Variants in MDGA2 observed in about 807,000 individuals in gnomAD.
MDGA2 encodes MAM domain containing glycosylphosphatidylinositol anchor 2, also known as MAM domain-containing glycosylphosphatidylinositol anchor protein 2.
Under a neutral mutation model 117.8 loss-of-function variants are expected in MDGA2, and 40 were observed. The observed-to-expected ratio is 0.34, with a 90% confidence interval of 0.26 to 0.44. MDGA2 has a LOEUF of 0.44. MDGA2 is among the 20% of genes least tolerant of loss of function. The pLI, the probability that MDGA2 is intolerant of heterozygous loss-of-function variation, is 1.00. For missense variants in MDGA2, 1,123 were observed against 1,250.6 expected (o/e 0.90, Z 1.54); for synonymous variants, 452 against 439.0 (o/e 1.03, Z -0.37).
chr14:47,413,363 G>A (rs561138641), intron 1 of MDGA2, among the ~76,000 whole-genome samples: 1 of 152,138 alleles, frequency 6.6e-6, no homozygotes, highest in Non-Finnish European at 1.5e-5. Flanking sequence ...CTCATGCATT[G>A]CATTAGGTGT....
At chr14:47,486,562 G>A (rs1894066173) in intron 1 of MDGA2, among the ~76,000 whole-genome samples, 1 of 152,038 alleles carries the variant, frequency 6.6e-6, no homozygotes, top group Non-Finnish European at 1.5e-5. Context: ...GGGTGGCCAG[G>A]GGCAGAATTA....
chr14:47,423,179 A>C (rs1892614266), intron 1 of MDGA2, among the ~76,000 whole-genome samples: 1 of 152,178 alleles, frequency 6.6e-6, no homozygotes, highest in South Asian at 2.1e-4. Flanking sequence ...TTTTATCCCC[A>C]TTGATAGTAT....
At chr14:47,172,815 T>C (rs1241467353) in intron 3 of MDGA2, among the ~76,000 whole-genome samples, 2 of 152,072 alleles carry the variant, frequency 1.3e-5, no homozygotes. Context: ...CTTTGACAAG[T>C]TGAGAGAAGA....
At chr14:47,327,295 G>A (rs1890171552) in intron 1 of MDGA2, among the ~76,000 whole-genome samples, 1 of 152,164 alleles carries the variant, frequency 6.6e-6, no homozygotes. Context: ...ACAAAGCCAG[G>A]TAGACAGGGT....
At chr14:47,358,027 G>A (rs1253242182) in intron 1 of MDGA2, among the ~76,000 whole-genome samples, 1 of 152,136 alleles carries the variant, frequency 6.6e-6, no homozygotes, top group Non-Finnish European at 1.5e-5. Context: ...TGCAACTGTT[G>A]CACCTTGAGG....
intron 4 of MDGA2, 84 bp from the exon 5 acceptor site, chr14:47,131,930 T>C: frequency 9.7e-7 from 1 of 1,033,384 alleles, no homozygotes. Flanking sequence ...CATTACATTG[T>C]ATTAAATCAT....
intron 2 of MDGA2, among the ~76,000 whole-genome samples, chr14:47,292,932 T>C (rs1256647278): frequency 6.6e-6 from 1 of 152,248 alleles, no homozygotes; most frequent in African/African-American, 2.4e-5. Context: ...TATTCTGACC[T>C]TGTTGCTCTT....
At chr14:47,222,083 C>T (rs955172932) in intron 2 of MDGA2, among the ~76,000 whole-genome samples, 1 of 151,812 alleles carries the variant, frequency 6.6e-6, no homozygotes, top group Non-Finnish European at 1.5e-5. Flanking sequence ...CAGTCATAGA[C>T]TAGATGTGAA....
chr14:47,343,073 T>A, intron 1 of MDGA2: 1 of 1,280,632 alleles, frequency 7.8e-7, no homozygotes. Flanking sequence ...CCCAAGGGAT[T>A]CATACTTGAA....
intron 9 of MDGA2, among the ~76,000 whole-genome samples, chr14:46,941,859 T>A (rs1222932766): frequency 6.6e-6 from 1 of 152,184 alleles, no homozygotes; most frequent in Non-Finnish European, 1.5e-5. Flanking sequence ...TTAGATCTAA[T>A]GCAGACTCAA....
chr14:47,148,449 T>C (rs1883032236), intron 3 of MDGA2, among the ~76,000 whole-genome samples: 1 of 152,192 alleles, frequency 6.6e-6, no homozygotes, highest in Admixed American at 6.5e-5. Flanking sequence ...ATATTTTCTC[T>C]GTAAGACTCA....
chr14:46,957,577 C>G lies in MDGA2; in HGVS notation c.1886G>C (p.Ser629Thr). ...TGGATAGGCTCTCAGTACTCTGCAACTCATAGTGACACTTCGATCCTGTCC... is the reference window on the plus strand; with the variant it reads ...TGGATAGGCTCTCAGTACTCTGCAAGTCATAGTGACACTTCGATCCTGTCC... ...RQGQDRSVTM[S>T]CRVLRAYPIR... The change falls in exon 9 of 17, where the codon AGT becomes ACT. Residue 629 changes from serine (S) to threonine (T), a missense_variant. Around this residue, in one of 2 missense-constraint regions of MDGA2, gnomAD observed 890 missense variants for 1,050.3 expected, o/e 0.85. Transcript: ENST00000399232. The G allele has an allele frequency of 6.2e-7, 1 of 1,614,154 alleles. No homozygotes were observed. Among genetic ancestry groups the G allele is most frequent in the Non-Finnish European group, 8.5e-7 (1 of 1,180,004 alleles).
At chr14:47,161,106 A>T (rs113379112) in intron 3 of MDGA2, among the ~76,000 whole-genome samples, 13 of 152,096 alleles carry the variant, frequency 8.5e-5, no homozygotes, top group African/African-American at 3.1e-4. Flanking sequence ...TTGCATTTTT[A>T]AAAATTTCTA....
In MDGA2 at chr14:47,175,515, A is replaced by G. The variant is rs1884399968; in HGVS notation, c.596-31241T>C. 3.3e-5 allele frequency among the ~76,000 whole-genome samples: 5 copies of G among 151,292 alleles called. No individual in the cohort carries two copies. In the South Asian group the frequency reaches 1.0e-3, roughly 32 times the overall value. On this transcript the variant is annotated intron_variant, in intron 3 of 16. Transcript: ENST00000399232. ...TCAATATACGCAAATCAATAAATGT[A>G]ATCCAGCATATAAACAGAACCAAAG...
chr14:47,290,695 A>G (rs1888854181), intron 2 of MDGA2, among the ~76,000 whole-genome samples: 1 of 151,972 alleles, frequency 6.6e-6, no homozygotes, highest in Non-Finnish European at 1.5e-5. Context: ...GTATGGATAC[A>G]CTCCTCATTG....
At chr14:47,532,452 C>A (rs2138735417) in intron 1 of MDGA2, among the ~76,000 whole-genome samples, 1 of 152,286 alleles carries the variant, frequency 6.6e-6, no homozygotes, top group South Asian at 2.1e-4. Flanking sequence ...GAGTTCATTT[C>A]TAATGAATTT....
intron 8 of MDGA2, among the ~76,000 whole-genome samples, chr14:46,983,799 CAG>C (rs1886769301): frequency 6.6e-6 from 1 of 152,012 alleles, no homozygotes; most frequent in African/African-American, 2.4e-5. Flanking sequence ...AGATGGGAGA[CAG>C]TGAGAATTTT....
chr14:47,540,563 T>TATATATATATATACATACAC (rs370481455), intron 1 of MDGA2, among the ~76,000 whole-genome samples: 8 of 112,518 alleles, frequency 7.1e-5, no homozygotes, highest in African/African-American at 2.1e-4. Flanking sequence ...TGTATATATA[T>TATATATATATATACATACAC]ACACACACAC....
intron 1 of MDGA2, among the ~76,000 whole-genome samples, chr14:47,498,935 G>A (rs544931813): frequency 6.6e-6 from 1 of 152,134 alleles, no homozygotes; most frequent in East Asian, 1.9e-4. Flanking sequence ...TATAATTTAT[G>A]AAACTACAGT....
Sources: gnomAD v4.1 joint callset for allele counts (sites outside exome capture counted in the v4.1 genomes callset) on GRCh38, gnomAD v4.1.1 for gene constraint, gnomAD v4.1.1 regional missense constraint, MANE v1.5 for transcripts, NCBI Gene and HGNC (gene_info 2026-07-23, HGNC 2026-07-21) for gene names.